Variants in PTPRD observed in about 807,000 individuals in gnomAD.
PTPRD encodes protein tyrosine phosphatase receptor type D.
PTPRD carries 34 observed loss-of-function variants against 214.5 expected under a neutral mutation model. That is an observed-to-expected ratio of 0.16 (90% confidence interval 0.12 to 0.21). The LOEUF is 0.21. Among genes scored for constraint, PTPRD ranks in the 10% least tolerant of loss-of-function variants. The probability of loss-of-function intolerance (pLI) is 1.00; values close to 1 mark genes in which losing one functional copy is unlikely to be tolerated. For missense variants in PTPRD, 2,545 were observed against 2,398.7 expected (o/e 1.06, Z -1.27); for synonymous variants, 1,128 against 845.7 (o/e 1.33, Z -5.79).
intron 14 of PTPRD, among the ~76,000 whole-genome samples, chr9:8,546,993 CCTGT>C (rs2080357249): frequency 6.6e-6 from 1 of 152,196 alleles, no homozygotes; most frequent in Non-Finnish European, 1.5e-5. Flanking sequence ...CTAACATTAA[CCTGT>C]CTTACTACAA....
chr9:8,891,951 T>C (rs1392451035), intron 11 of PTPRD, among the ~76,000 whole-genome samples: 4 of 152,200 alleles, frequency 2.6e-5, no homozygotes, highest in Non-Finnish European at 4.4e-5. Context: ...AAAATCCTTG[T>C]GATTATCTTC....
intron 3 of PTPRD, among the ~76,000 whole-genome samples, chr9:10,042,274 G>GCAGT (rs2097309907): frequency 6.6e-6 from 1 of 151,888 alleles, no homozygotes; most frequent in African/African-American, 2.4e-5. Context: ...ATACTATTAT[G>GCAGT]CAGTTCTGAG....
At chr9:8,795,369 G>C (rs530313910) in intron 11 of PTPRD, among the ~76,000 whole-genome samples, 16 of 152,088 alleles carry the variant, frequency 1.1e-4, no homozygotes, top group African/African-American at 3.9e-4. Flanking sequence ...GTTTCACCAC[G>C]GTTGGCCATG....
chr9:9,610,267 C>T (rs992185750), intron 7 of PTPRD, among the ~76,000 whole-genome samples: 1 of 152,080 alleles, frequency 6.6e-6, no homozygotes, highest in Admixed American at 6.6e-5. Flanking sequence ...AGCCATTAAA[C>T]ATATTTTCAA....
intron 10 of PTPRD, among the ~76,000 whole-genome samples, chr9:9,128,551 G>A (rs1251837669): frequency 2.0e-5 from 3 of 152,172 alleles, no homozygotes; most frequent in African/African-American, 7.2e-5. Context: ...CAGGAAGTTA[G>A]CTAGCACAAA....
intron 7 of PTPRD, among the ~76,000 whole-genome samples, chr9:9,602,520 A>T (rs1484580854): frequency 6.6e-6 from 1 of 152,166 alleles, no homozygotes; most frequent in Non-Finnish European, 1.5e-5. Context: ...TAAAAGAATA[A>T]GAGTAATTCC....
chr9:10,545,826 T>C (rs928580799), intron 2 of PTPRD, among the ~76,000 whole-genome samples: 1 of 152,130 alleles, frequency 6.6e-6, no homozygotes, highest in Non-Finnish European at 1.5e-5. Context: ...CTTGTATTTA[T>C]TTTTATATGT....
intron 11 of PTPRD, among the ~76,000 whole-genome samples, chr9:8,835,577 T>A (rs1281636467): frequency 6.6e-6 from 1 of 152,208 alleles, no homozygotes; most frequent in Non-Finnish European, 1.5e-5. Flanking sequence ...TCACTCAAGC[T>A]GGAGTGCAGT....
intron 3 of PTPRD, among the ~76,000 whole-genome samples, chr9:10,197,075 T>C (rs2099401243): frequency 6.6e-6 from 1 of 152,106 alleles, no homozygotes; most frequent in African/African-American, 2.4e-5. Flanking sequence ...TGTTTTGTTA[T>C]AGGCACCTTA....
At chr9:9,748,430 A>C (rs556776516) in intron 6 of PTPRD, among the ~76,000 whole-genome samples, 1 of 152,248 alleles carries the variant, frequency 6.6e-6, no homozygotes, top group Non-Finnish European at 1.5e-5. Context: ...TGGACAGTTC[A>C]GAAACCAAGA....
intron 11 of PTPRD, among the ~76,000 whole-genome samples, chr9:8,815,365 T>A (rs1210488942): frequency 1.3e-5 from 2 of 152,132 alleles, no homozygotes; most frequent in Non-Finnish European, 2.9e-5. Context: ...TACACAAAAA[T>A]AAATATTGAG....
At chr9:9,764,312 T>A (rs998685564) in intron 6 of PTPRD, among the ~76,000 whole-genome samples, 2 of 152,062 alleles carry the variant, frequency 1.3e-5, no homozygotes, top group Admixed American at 6.6e-5. Context: ...AAACCTAAAA[T>A]TAAATCAAAT....
intron 5 of PTPRD, among the ~76,000 whole-genome samples, chr9:9,912,347 G>A (rs768704710): frequency 6.6e-6 from 1 of 152,096 alleles, no homozygotes; most frequent in Admixed American, 6.5e-5. Context: ...CCAAAATTTA[G>A]AGTCAACTCA....
intron 3 of PTPRD, among the ~76,000 whole-genome samples, chr9:10,246,843 G>A (rs1467348449): frequency 6.6e-6 from 1 of 150,534 alleles, no homozygotes; most frequent in East Asian, 2.0e-4. Context: ...GCAGTGAGCC[G>A]AGATCACACC....
chr9:10,026,573 T>C (rs2096927098), intron 4 of PTPRD, among the ~76,000 whole-genome samples: 1 of 152,184 alleles, frequency 6.6e-6, no homozygotes, highest in Non-Finnish European at 1.5e-5. Flanking sequence ...TAATCTGTGC[T>C]CATCCTTTGG....
chr9:9,520,114 G>A (rs2096930977), intron 8 of PTPRD, among the ~76,000 whole-genome samples: 1 of 151,450 alleles, frequency 6.6e-6, no homozygotes, highest in Admixed American at 6.6e-5. Flanking sequence ...TACAAGAGAT[G>A]ACAATGAAGT....
chr9:10,051,342 C>T (rs1192510093), intron 3 of PTPRD, among the ~76,000 whole-genome samples: 1 of 152,054 alleles, frequency 6.6e-6, no homozygotes, highest in Non-Finnish European at 1.5e-5. Context: ...CTACTGTGAG[C>T]CCTCTTGCAG....
intron 3 of PTPRD, among the ~76,000 whole-genome samples, chr9:10,340,694 G>A (rs757138596): frequency 1.3e-5 from 2 of 151,792 alleles, no homozygotes; most frequent in Non-Finnish European, 2.9e-5. Context: ...TAAGAATCTA[G>A]GACATGGAAA....
At chr9:10,062,738 C>T (rs894649091) in intron 3 of PTPRD, among the ~76,000 whole-genome samples, 1 of 151,916 alleles carries the variant, frequency 6.6e-6, no homozygotes, top group Admixed American at 6.6e-5. Flanking sequence ...ATTTCAACAT[C>T]TTTCACATTT....
Sources: allele counts gnomAD v4.1 joint callset (sites outside exome capture counted in the v4.1 genomes callset), GRCh38; gene constraint gnomAD v4.1.1; transcripts MANE v1.5; gene names NCBI Gene and HGNC (gene_info 2026-07-23, HGNC 2026-07-21).